The following MARCHF1 variants were observed in gnomAD, a reference collection of about 807,000 sequenced individuals.
MARCHF1 encodes the protein membrane associated ring-CH-type finger 1.
Under a neutral mutation model 54.2 loss-of-function variants are expected in MARCHF1, and 40 were observed. That is an observed-to-expected ratio of 0.74 (90% CI 0.57 to 0.96). The LOEUF (loss-of-function observed/expected upper bound fraction) is 0.96. Ranked by LOEUF, MARCHF1 falls within the 40% of genes least tolerant of loss-of-function variation. MARCHF1 has a pLI of 0.00. For synonymous variants in MARCHF1, 236 were observed against 236.3 expected (o/e 1.00, Z 0.01); for missense variants, 586 against 656.5 (o/e 0.89, Z 1.17).
chr4:163,998,863 A>C (rs1019138512), intron 2 of MARCHF1, among the ~76,000 whole-genome samples: 1 of 151,748 alleles, frequency 6.6e-6, no homozygotes, highest in African/African-American at 2.4e-5. Context: ...ACTGATGGAC[A>C]CTTAGGTTGA....
intron 1 of MARCHF1, among the ~76,000 whole-genome samples, chr4:164,239,963 A>G (rs1207139466): frequency 6.6e-6 from 1 of 152,228 alleles, no homozygotes; most frequent in Non-Finnish European, 1.5e-5. Context: ...TAAGTAGAGT[A>G]AGAGAGCATC....
At position 164,035,256 on chromosome 4, in the gene MARCHF1, A is replaced by C. The variant is rs1258255293; in HGVS notation, c.-247-46547T>G. 3.9e-5 allele frequency among the ~76,000 whole-genome samples: 6 copies of C among 152,202 alleles called. No homozygotes were observed. In the East Asian group the frequency reaches 9.6e-4, roughly 24 times the overall value. The stretch of plus-strand genomic sequence containing the variant: ...AATGTTATTCTAAATGTCTTCAGAA[A>C]CATATAAGTCATTACTCTATACCCA... On this transcript the variant is annotated intron_variant, in intron 2 of 9. Transcript: ENST00000514618.
At chr4:163,638,077 C>G (rs1310435473) in intron 5 of MARCHF1, among the ~76,000 whole-genome samples, 1 of 122,752 alleles carries the variant, frequency 8.1e-6, no homozygotes, top group Non-Finnish European at 1.6e-5. Flanking sequence ...GAACATCACA[C>G]TCTGGGGACT....
intron 4 of MARCHF1, among the ~76,000 whole-genome samples, chr4:163,726,843 G>A (rs781361480): frequency 1.1e-4 from 16 of 152,308 alleles, no homozygotes; most frequent in Middle Eastern, 3.4e-3. Flanking sequence ...TTAACGACAT[G>A]AAATGTCACA....
chr4:163,564,439 G>T (rs1357850725), intron 8 of MARCHF1, among the ~76,000 whole-genome samples: 1 of 152,188 alleles, frequency 6.6e-6, no homozygotes, highest in East Asian at 1.9e-4. Flanking sequence ...TAAATGTGCA[G>T]CATGAAAATG....
At chr4:164,125,948 C>T (rs1055102767) in intron 1 of MARCHF1, among the ~76,000 whole-genome samples, 10 of 152,156 alleles carry the variant, frequency 6.6e-5, no homozygotes, top group Admixed American at 5.9e-4. Flanking sequence ...CTGTCTTCCA[C>T]GGGACTGGTC....
intron 2 of MARCHF1, among the ~76,000 whole-genome samples, chr4:163,989,502 T>C (rs988421731): frequency 7.2e-5 from 11 of 152,240 alleles, no homozygotes; most frequent in African/African-American, 1.2e-4. Context: ...CCCCGAAATA[T>C]ATGTTTGAAT....
At chr4:164,211,653 A>C (rs1222707158) in intron 1 of MARCHF1, among the ~76,000 whole-genome samples, 1 of 152,058 alleles carries the variant, frequency 6.6e-6, no homozygotes, top group Non-Finnish European at 1.5e-5. Context: ...AGGAAACAAA[A>C]ACTCTTTGCC....
intron 5 of MARCHF1, among the ~76,000 whole-genome samples, chr4:163,631,608 CTAAGAA>C (rs70948659): frequency 0.31 from 47,365 of 151,842 alleles, 8,402 homozygotes; most frequent in Non-Finnish European, 0.41. Flanking sequence ...TGCATTTTGC[CTAAGAA>C]TAAGTTTCAG....
chr4:164,240,506 A>T (rs1451238320), intron 1 of MARCHF1, among the ~76,000 whole-genome samples: 1 of 151,902 alleles, frequency 6.6e-6, no homozygotes, highest in Non-Finnish European at 1.5e-5. Flanking sequence ...GCTGTCTCCC[A>T]CCATTCTAAC....
Position 163,961,620 on chromosome 4 carries a change from A to G in MARCHF1, c.-39+26881T>C, listed in dbSNP as rs114797761. The stretch of plus-strand genomic sequence containing the variant: ...TTACCATGAGCTGAAGCAGCATTAT[A>G]TGATCAAAGGGACACTCAACTGTCA... On this transcript the variant is annotated intron_variant, in intron 3 of 9. Transcript: ENST00000514618. Among the ~76,000 whole-genome samples the G allele has an allele frequency of 3.4e-3, 521 of 152,056 alleles. 4 individuals carry two copies. The highest frequency in any genetic ancestry group is 0.012 in the African/African-American group (484 of 41,510).
At chr4:163,837,723 A>G (rs1749229070) in intron 4 of MARCHF1, among the ~76,000 whole-genome samples, 1 of 96,162 alleles carries the variant, frequency 1.0e-5, no homozygotes, top group Admixed American at 1.1e-4. Flanking sequence ...GGAAAACACT[A>G]ACATGTCTCT....
chr4:163,688,645 A>G (rs960727602), intron 5 of MARCHF1, among the ~76,000 whole-genome samples: 1 of 152,142 alleles, frequency 6.6e-6, no homozygotes, highest in Non-Finnish European at 1.5e-5. Flanking sequence ...AGATACACCA[A>G]TTTGGCCTCA....
intron 2 of MARCHF1, among the ~76,000 whole-genome samples, chr4:163,994,783 AC>A (rs1373179196): frequency 4.0e-5 from 2 of 49,578 alleles, no homozygotes; most frequent in Non-Finnish European, 9.4e-5. Context: ...ACACACACAC[AC>A]ACACACACAC....
At chr4:163,537,039 C>G (rs1738559942) in intron 9 of MARCHF1, among the ~76,000 whole-genome samples, 1 of 152,118 alleles carries the variant, frequency 6.6e-6, no homozygotes, top group African/African-American at 2.4e-5. Context: ...AACTTACTGT[C>G]CAAATGACCA....
In MARCHF1 at chr4:164,246,621, T is replaced by C. The variant is rs1438114815; in HGVS notation, c.-322-134959A>G. On this transcript the variant is annotated intron_variant, in intron 1 of 9. Coordinates refer to ENST00000514618, the MANE Select transcript of MARCHF1 (RefSeq NM_001394959.1). ...AATTGACAAATGGGATCTAATTAAA[T>C]TAAAGAGCTTCTGCACAGCAAAATA... Among the ~76,000 whole-genome samples, 2 of 45,474 alleles carry C rather than the reference T, an allele frequency of 4.4e-5. 1 individual carries two copies. Among genetic ancestry groups the C allele is most frequent in the Non-Finnish European group, 1.2e-4 (2 of 17,248 alleles). 29.8% of individuals were successfully genotyped at this position (45,474 alleles called of 152,430 possible). A position where few individuals can be genotyped will look rare whatever the true frequency, so the allele number is the denominator to read the frequency against.
intron 1 of MARCHF1, among the ~76,000 whole-genome samples, chr4:164,300,158 C>T (rs79218122): frequency 0.031 from 4,551 of 148,688 alleles, 134 homozygotes; most frequent in East Asian, 0.14. Flanking sequence ...TCCTCTCCTT[C>T]CTCCCTACTT....
intron 1 of MARCHF1, among the ~76,000 whole-genome samples, chr4:164,192,163 T>C (rs1731141056): frequency 6.6e-6 from 1 of 152,184 alleles, no homozygotes; most frequent in African/African-American, 2.4e-5. Flanking sequence ...CTATAAAGAT[T>C]ATCTTAATTT....
At chr4:164,343,938 A>G (rs1428025723) in intron 1 of MARCHF1, among the ~76,000 whole-genome samples, 1 of 152,202 alleles carries the variant, frequency 6.6e-6, no homozygotes, top group Non-Finnish European at 1.5e-5. Flanking sequence ...TCTTCATCAC[A>G]GCATTATTCA....
Sources: allele counts gnomAD v4.1 joint callset (sites outside exome capture counted in the v4.1 genomes callset), GRCh38; gene constraint gnomAD v4.1.1; transcripts MANE v1.5; gene names NCBI Gene and HGNC (gene_info 2026-07-23, HGNC 2026-07-21).